XKR4: variants seen among roughly 807,000 people sequenced by gnomAD.
XKR4 encodes XK-related protein 4.
XKR4 carries 12 observed loss-of-function variants against 53.9 expected under a neutral mutation model. That is an observed-to-expected ratio of 0.22 (90% CI 0.14 to 0.36). The LOEUF (loss-of-function observed/expected upper bound fraction) is 0.36, where lower values mean the gene tolerates loss of function less well. Ranked by LOEUF, XKR4 falls within the 10% of genes least tolerant of loss-of-function variation. The probability of loss-of-function intolerance (pLI) is 1.00; values close to 1 mark genes in which losing one functional copy is unlikely to be tolerated. For missense variants in XKR4, 799 were observed against 859.5 expected (o/e 0.93, Z 0.88); for synonymous variants, 354 against 362.4 (o/e 0.98, Z 0.26).
At chr8:55,279,140 G>A (rs1818803325) in intron 1 of XKR4, among the ~76,000 whole-genome samples, 1 of 152,140 alleles carries the variant, frequency 6.6e-6, no homozygotes, top group Non-Finnish European at 1.5e-5. Flanking sequence ...AAACTGCAAG[G>A]CATTTGGCTG....
intron 2 of XKR4, among the ~76,000 whole-genome samples, chr8:55,371,735 T>C (rs1318591337): frequency 6.6e-6 from 1 of 152,202 alleles, no homozygotes; most frequent in African/African-American, 2.4e-5. Context: ...TATTTCACAT[T>C]CAGTAGTCTC....
chr8:55,355,703 C>T (rs987378509), intron 1 of XKR4, among the ~76,000 whole-genome samples: 6 of 152,124 alleles, frequency 3.9e-5, no homozygotes, highest in Admixed American at 2.0e-4. Flanking sequence ...TAGTAAACAA[C>T]GAAATGACAG....
intron 1 of XKR4, among the ~76,000 whole-genome samples, chr8:55,204,222 T>A (rs1199443843): frequency 1.3e-5 from 2 of 152,046 alleles, no homozygotes; most frequent in Non-Finnish European, 2.9e-5. Context: ...CCCAGGCTGG[T>A]CTTGAACTCC....
chr8:55,379,603 C>T (rs1804202482), intron 2 of XKR4, among the ~76,000 whole-genome samples: 1 of 152,188 alleles, frequency 6.6e-6, no homozygotes, highest in Non-Finnish European at 1.5e-5. Context: ...GCAGCATTTC[C>T]CGGGTGCTGG....
At chr8:55,191,602 GAC>G (rs1177198677) in intron 1 of XKR4, among the ~76,000 whole-genome samples, 2 of 151,822 alleles carry the variant, frequency 1.3e-5, no homozygotes, top group Admixed American at 6.6e-5. Context: ...ATTATGTAAA[GAC>G]ACACTGTGAC....
intron 2 of XKR4, among the ~76,000 whole-genome samples, chr8:55,478,617 G>C (rs1806043189): frequency 6.6e-6 from 1 of 152,142 alleles, no homozygotes; most frequent in Non-Finnish European, 1.5e-5. Flanking sequence ...ATTGGATAAA[G>C]AGTCAAGACC....
intron 2 of XKR4, among the ~76,000 whole-genome samples, chr8:55,474,719 A>G (rs1805947708): frequency 6.6e-6 from 1 of 152,172 alleles, no homozygotes; most frequent in African/African-American, 2.4e-5. Context: ...ATCCCTATGG[A>G]TGCTAATGAG....
chr8:55,285,083 C>T (rs1303426768), intron 1 of XKR4, among the ~76,000 whole-genome samples: 1 of 152,230 alleles, frequency 6.6e-6, no homozygotes, highest in Non-Finnish European at 1.5e-5. Flanking sequence ...CAACCCATCT[C>T]CCTCAGAGTA....
rs1816091719 is a variant in XKR4 at position 55,103,665 on chromosome 8, T to G, written c.806+371T>G. ...TTCCTGTCACATCTTCTAAAATTCC[T>G]TTATTATTATATTGAATTTGAGGTG... On this transcript the variant is annotated intron_variant, in intron 1 of 2. Transcript: ENST00000327381. Among the ~76,000 whole-genome samples, 3 of 151,928 alleles carry G rather than the reference T, an allele frequency of 2.0e-5. No individual in the cohort carries two copies. In the South Asian group the frequency reaches 6.3e-4, roughly 32 times the overall value.
chr8:55,217,249 A>C (rs1817815691), intron 1 of XKR4, among the ~76,000 whole-genome samples: 1 of 151,702 alleles, frequency 6.6e-6, no homozygotes, highest in Non-Finnish European at 1.5e-5. Flanking sequence ...CTCAAAAAAA[A>C]AAAAAAAAAA....
At chr8:55,297,326 T>A (rs1819116680) in intron 1 of XKR4, among the ~76,000 whole-genome samples, 1 of 152,214 alleles carries the variant, frequency 6.6e-6, no homozygotes, top group South Asian at 2.1e-4. Flanking sequence ...AATTTGGCGA[T>A]CAAATTAGAA....
chr8:55,457,948 C>A (rs7815484), intron 2 of XKR4, among the ~76,000 whole-genome samples: 34,442 of 151,648 alleles, frequency 0.23, 6,537 homozygotes, highest in African/African-American at 0.53. Context: ...GAACTACACA[C>A]AAAAAAACCA....
intron 2 of XKR4, among the ~76,000 whole-genome samples, chr8:55,471,945 T>C (rs1805891156): frequency 6.6e-6 from 1 of 152,170 alleles, no homozygotes; most frequent in Non-Finnish European, 1.5e-5. Flanking sequence ...CTTTTCTTTA[T>C]AAATTACCCA....
intron 1 of XKR4, among the ~76,000 whole-genome samples, chr8:55,204,016 G>C (rs527882026): frequency 6.6e-6 from 1 of 151,992 alleles, no homozygotes; most frequent in East Asian, 1.9e-4. Context: ...TTTGTTTTTT[G>C]TTTGTTCGTT....
Position 55,348,691 on chromosome 8 carries a change from T to TACAC in XKR4, c.807-8959_807-8956dup, listed in dbSNP as rs796321076. ...AGAGGGAGAGAGAGACAGACAAACA[T>TACAC]ACACACACACACACACACACACACA... On this transcript the variant is annotated intron_variant, in intron 1 of 2. Transcript: ENST00000327381. 3.9e-3 allele frequency among the ~76,000 whole-genome samples: 527 copies of TACAC among 136,192 alleles called. 1 individual carries two copies. Among genetic ancestry groups the TACAC allele is most frequent in the African/African-American group, 0.01 (387 of 37,494 alleles). The allele number at this position is 136,192 out of a possible 152,430, so 89.3% of individuals were successfully genotyped here.
intron 1 of XKR4, among the ~76,000 whole-genome samples, chr8:55,254,581 C>T (rs113952789): frequency 3.9e-5 from 6 of 152,170 alleles, no homozygotes; most frequent in Non-Finnish European, 5.9e-5. Flanking sequence ...AAGGAAGCGT[C>T]GATCTCAGAA....
chr8:55,305,891 G>T (rs1277549241), intron 1 of XKR4, among the ~76,000 whole-genome samples: 2 of 152,062 alleles, frequency 1.3e-5, no homozygotes, highest in Admixed American at 1.3e-4. Context: ...GATATCAAAA[G>T]CTTTAAATTC....
At chr8:55,135,724 C>T (rs1423124054) in intron 1 of XKR4, 1 of 443,114 alleles carries the variant, frequency 2.3e-6, no homozygotes, top group Non-Finnish European at 4.6e-6. Context: ...TTGTACACCT[C>T]CTCTGGGCAC....
Position 55,196,193 on chromosome 8 carries a change from TTTG to T in XKR4, c.806+92903_806+92905del, listed in dbSNP as rs1286274369. Among the ~76,000 whole-genome samples the T allele has an allele frequency of 1.8e-3, 276 of 150,484 alleles. 1 individual carries two copies. Among genetic ancestry groups the T allele is most frequent in the African/African-American group, 6.3e-3 (258 of 40,914 alleles). On this transcript the variant is annotated intron_variant, in intron 1 of 2. Transcript: ENST00000327381. Reference sequence around the variant, plus strand: ...GTGCTTCCTTTTTTTTTTTTTTTTTTTTGTTGAGATGGAGTTTCGCTCTTGTTG... The same window carrying T: ...GTGCTTCCTTTTTTTTTTTTTTTTTTTTGAGATGGAGTTTCGCTCTTGTTG...
Sources: gnomAD v4.1 joint callset for allele counts (sites outside exome capture counted in the v4.1 genomes callset) on GRCh38, gnomAD v4.1.1 for gene constraint, MANE v1.5 for transcripts, NCBI Gene and HGNC (gene_info 2026-07-23, HGNC 2026-07-21) for gene names.